Variants in PRDM15 observed in about 807,000 individuals in gnomAD.
PRDM15 encodes the protein PR/SET domain 15, also known as PR domain zinc finger protein 15.
A neutral mutation model predicts 128.6 loss-of-function variants in PRDM15; 64 were observed. The ratio of observed to expected loss-of-function variants is 0.50; its 90% confidence interval spans 0.41 to 0.61. The LOEUF is 0.61. Among genes scored for constraint, PRDM15 ranks in the 20% least tolerant of loss-of-function variants. The pLI is 0.00. For synonymous variants in PRDM15, 615 were observed against 621.8 expected (o/e 0.99, Z 0.16); for missense variants, 1,242 against 1,569.1 (o/e 0.79, Z 3.52).
In PRDM15 at chr21:41,815,044, G is replaced by A. The variant is rs148629183; in HGVS notation, c.2392+661C>T. On this transcript the variant is annotated intron_variant, in intron 19 of 23. Transcript: ENST00000398548. ...CCTCGTGTTAGTGATTGCGCAGGGTGCTCTAGTGTTTTCTAAGATCTTGGC... is the reference window on the plus strand; with the variant it reads ...CCTCGTGTTAGTGATTGCGCAGGGTACTCTAGTGTTTTCTAAGATCTTGGC... 6.2e-3 allele frequency: 969 copies of A among 155,890 alleles called. 4 individuals carry two copies. The highest frequency in any genetic ancestry group is 0.022 in the African/African-American group (912 of 41,560). 9.7% of individuals were successfully genotyped at this position (155,890 alleles called of 1,614,324 possible).
At chr21:41,833,801 T>C (rs1372636191) in intron 11 of PRDM15, among the ~76,000 whole-genome samples, 1 of 152,176 alleles carries the variant, frequency 6.6e-6, no homozygotes, top group African/African-American at 2.4e-5. Flanking sequence ...GTACTTTGTT[T>C]TATTTGGGTC....
At chr21:41,871,744 AGCC>A in intron 1 of PRDM15, 1 of 1,122,810 alleles carries the variant, frequency 8.9e-7, no homozygotes. Flanking sequence ...GCCAATCAGC[AGCC>A]TCCTTCCTGG....
chr21:41,816,428 A>G (rs1274291474), intron 18 of PRDM15, among the ~76,000 whole-genome samples: 1 of 152,126 alleles, frequency 6.6e-6, no homozygotes, highest in East Asian at 1.9e-4. Flanking sequence ...GGCTTGGTAC[A>G]CCTGACCGTG....
chr21:41,837,312 T>TG, intron 8 of PRDM15, among the ~76,000 whole-genome samples: 1 of 152,302 alleles, frequency 6.6e-6, no homozygotes, highest in South Asian at 2.1e-4. Flanking sequence ...GCAACCCAAC[T>TG]GTCCATCAAT....
At chr21:41,861,873 G>A in intron 1 of PRDM15, 6 of 1,581,566 alleles carry the variant, frequency 3.8e-6, no homozygotes, top group African/African-American at 1.3e-5. Context: ...AGGGGAGGGG[G>A]GTGAAATTTT....
chr21:41,859,491 C>T lies in PRDM15; in HGVS notation c.131+101G>A. ...GGCTCTCACTCAGAGTGCCTCTGTT[C>T]TCCCTCAGGCTCCTTCCTCCCCGTC... On this transcript the variant is annotated intron_variant, in intron 3 of 23. Transcript: ENST00000398548. The surrounding 1 kb of genome is among the most constrained non-coding windows in gnomAD (Gnocchi z 5.3). 1.1e-6 allele frequency: 1 copy of T among 932,846 alleles called. No individual in the cohort carries two copies. The highest frequency in any genetic ancestry group is 1.6e-6 in the Non-Finnish European group (1 of 610,464). 57.8% of individuals were successfully genotyped at this position (932,846 alleles called of 1,614,324 possible).
chr21:41,874,124 G>A (rs2064314875), intron 1 of PRDM15, among the ~76,000 whole-genome samples: 1 of 150,716 alleles, frequency 6.6e-6, no homozygotes, highest in South Asian at 2.1e-4. Flanking sequence ...CCACACTGAT[G>A]GCTGCTCTAA....
intron 6 of PRDM15, among the ~76,000 whole-genome samples, chr21:41,843,950 T>TAAA (rs1555883669): frequency 2.4e-5 from 3 of 123,260 alleles, no homozygotes; most frequent in South Asian, 2.7e-4. Context: ...CCTTGTATTG[T>TAAA]AAAAAAAAAA....
rs565791524 is a variant in PRDM15, at chr21:41,837,322, T to C, written c.1001+612A>G. ...TAGAAGCAACCCAACTGTCCATCAA[T>C]GGATGCATGGAAACACAAAATATGG... On this transcript the variant is annotated intron_variant, in intron 8 of 23. Coordinates refer to ENST00000398548, the MANE Select transcript of PRDM15 (RefSeq NM_001040424.3). Among the ~76,000 whole-genome samples, 61 of 152,308 alleles carry C rather than the reference T, an allele frequency of 4.0e-4. No homozygotes were observed. The South Asian group carries it at 0.011, about 28-fold the overall frequency.
At chr21:41,836,063 T>C (rs17766525) in intron 10 of PRDM15, 50 bp downstream of exon 10, 35,448 of 1,277,492 alleles carry the variant, frequency 0.028, 624 homozygotes, top group Non-Finnish European at 0.034. Flanking sequence ...GTCAGTTGTC[T>C]GTGTTGTCCA....
rs28485479 is a variant in PRDM15, at chr21:41,821,442, G to A, written c.1897-212C>T. Among the ~76,000 whole-genome samples the A allele has an allele frequency of 0.28, 41,975 of 152,004 alleles. 5,921 individuals carry two copies. The highest frequency in any genetic ancestry group is 0.38 in the Admixed American group (5,797 of 15,276). On this transcript the variant is annotated intron_variant, in intron 15 of 23. Coordinates refer to ENST00000398548, the MANE Select transcript of PRDM15 (RefSeq NM_001040424.3). This position sits in a 1 kb window ranked among gnomAD's most constrained non-coding sequence, Gnocchi z 5.4. ...AAAACTCAAGAGCACGGGTGTCCTC[G>A]GAAACAAACCACCCTCCTTTTTGGA...
intron 21 of PRDM15, among the ~76,000 whole-genome samples, chr21:41,805,686 G>A (rs376101169): frequency 6.6e-6 from 1 of 151,786 alleles, no homozygotes; most frequent in South Asian, 2.1e-4. Flanking sequence ...GACTGCTGTG[G>A]ACGCACTCTC....
chr21:41,857,201 T>A lies in PRDM15; in HGVS notation c.260A>T (p.Glu87Val), dbSNP rs752763907. Residue 87 changes from glutamate to valine, a missense_variant, in exon 4 of 24, where the codon GAA becomes GTA. This residue lies in a region of PRDM15 where 612 missense variants were observed against 717.0 expected (regional missense o/e 0.85). Transcript: ENST00000398548. Reference sequence around the variant, plus strand: ...CTTCAGGGGAAATGCAGACTCCTTTTCCCATTTGGCGACCCTCCTGGACTC... The same window carrying A: ...CTTCAGGGGAAATGCAGACTCCTTTACCCATTTGGCGACCCTCCTGGACTC... ...PFESRRVAKW[E>V]KESAFPLKVF... is the part of the protein sequence containing the mutation. 7 of 1,613,674 alleles carry A rather than the reference T, an allele frequency of 4.3e-6. No homozygotes were observed. Among genetic ancestry groups the A allele is most frequent in the South Asian group, 1.1e-5 (1 of 91,056 alleles).
chr21:41,803,003 G>A (rs774560166), intron 22 of PRDM15, 82 bp from the exon 23 acceptor site: 515 of 1,054,940 alleles, frequency 4.9e-4, no homozygotes, highest in Non-Finnish European at 7.0e-4. Context: ...GCACTGCCCT[G>A]GACACACTCT....
chr21:41,818,704 G>T (rs897971173), intron 18 of PRDM15, among the ~76,000 whole-genome samples: 1 of 152,064 alleles, frequency 6.6e-6, no homozygotes, highest in South Asian at 2.1e-4. Flanking sequence ...ACTGTCACCG[G>T]GACAGCATGA....
rs567142968 is a variant in PRDM15 at position 41,869,246 on chromosome 21, C to T, written c.-9-8874G>A. Among the ~76,000 whole-genome samples the T allele has an allele frequency of 3.7e-4, 57 of 152,244 alleles. No homozygotes were observed. The Middle Eastern group carries it at 0.031, about 82-fold the overall frequency. On this transcript the variant is annotated intron_variant, in intron 1 of 23. Coordinates refer to ENST00000398548, the MANE Select transcript of PRDM15 (RefSeq NM_001040424.3). ...GATTACCACATCTAAGACCTCTCTT[C>T]ACCAAGCCCAAGGTTCCAAAGACTT...
chr21:41,853,208 T>C (rs913761491), intron 5 of PRDM15, among the ~76,000 whole-genome samples: 26 of 152,314 alleles, frequency 1.7e-4, no homozygotes, highest in African/African-American at 6.0e-4. Context: ...ACACAGCCCA[T>C]TGTGGACCTG....
At chr21:41,839,442 G>A (rs2062999015) in intron 7 of PRDM15, among the ~76,000 whole-genome samples, 181 bp downstream of exon 7, 1 of 152,214 alleles carries the variant, frequency 6.6e-6, no homozygotes, top group Admixed American at 6.5e-5. Flanking sequence ...TGTATTACAT[G>A]GAAATTGTAC....
In PRDM15 at chr21:41,879,146, G is replaced by A. The variant is rs1392553553; in HGVS notation, c.-10+124C>T. 12 of 964,644 alleles carry A rather than the reference G, an allele frequency of 1.2e-5. No homozygotes were observed. Among genetic ancestry groups the A allele is most frequent in the African/African-American group, 3.6e-5 (2 of 55,706 alleles). 59.8% of individuals were successfully genotyped at this position (964,644 alleles called of 1,614,324 possible). On this transcript the variant is annotated intron_variant, in intron 1 of 23. Coordinates refer to ENST00000398548, the MANE Select transcript of PRDM15 (RefSeq NM_001040424.3). The surrounding 1 kb of genome is among the most constrained non-coding windows in gnomAD (Gnocchi z 5.1). ...TGGACCGGGGCGGCGCGCGGCTGCC[G>A]GGCGCGGGGGGCGGGGGGCAGCGGG...
Sources: gnomAD v4.1 joint callset for allele counts (sites outside exome capture counted in the v4.1 genomes callset) on GRCh38, gnomAD v4.1.1 for gene constraint, gnomAD v4.1.1 regional missense constraint, Gnocchi (gnomAD v3.1) non-coding constraint, MANE v1.5 for transcripts, NCBI Gene and HGNC (gene_info 2026-07-23, HGNC 2026-07-21) for gene names.